The following SLC44A3 variants were observed in gnomAD, a reference collection of about 807,000 sequenced individuals.
SLC44A3 encodes choline transporter-like protein 3.
SLC44A3 carries 74 observed loss-of-function variants against 75.4 expected under a neutral mutation model. That is an observed-to-expected ratio of 0.98 (90% CI 0.81 to 1.19). The LOEUF is 1.19. Ranked by LOEUF, SLC44A3 falls within the 50% of genes most tolerant of loss-of-function variation. SLC44A3 has a pLI of 0.00. For synonymous variants in SLC44A3, 310 were observed against 296.9 expected, an observed-to-expected ratio of 1.04 and a Z score of -0.45; for missense variants, 700 against 778.6, an observed-to-expected ratio of 0.90 and a Z score of 1.20.
At position 94,857,331 on chromosome 1, in the gene SLC44A3, T is replaced by A; in HGVS notation, c.1073-4T>A. ...GTAAAGCATGTTTGTGTTTGAAACT[T>A]TAGGAGCTGCCCAGGTTATGGAAGG... On this transcript the variant is annotated splice_region_variant and splice_polypyrimidine_tract_variant and intron_variant, in intron 9 of 14. Coordinates refer to ENST00000271227, the MANE Select transcript of SLC44A3 (RefSeq NM_001114106.3). The A allele has an allele frequency of 4.4e-6, 7 of 1,596,930 alleles. No homozygotes were observed. The highest frequency in any genetic ancestry group is 6.0e-6 in the Non-Finnish European group (7 of 1,173,804).
chr1:94,877,849 A>G (rs1668461114), intron 12 of SLC44A3, among the ~76,000 whole-genome samples: 1 of 152,136 alleles, frequency 6.6e-6, no homozygotes, highest in Admixed American at 6.5e-5. Flanking sequence ...CTGAGGTTGA[A>G]TGACTTCATC....
intron 10 of SLC44A3, among the ~76,000 whole-genome samples, chr1:94,857,877 G>C (rs1397914746): frequency 7.1e-6 from 1 of 140,638 alleles, no homozygotes; most frequent in Non-Finnish European, 1.5e-5. Flanking sequence ...GCAGTGGCGC[G>C]ATCTTGGCTC....
intron 8 of SLC44A3, 121 bp from the exon 9 acceptor site, chr1:94,845,157 G>A: frequency 1.9e-6 from 2 of 1,030,394 alleles, no homozygotes; most frequent in East Asian, 2.5e-5. Context: ...TAACAAAGTA[G>A]TGAGTAACTA....
intron 2 of SLC44A3, among the ~76,000 whole-genome samples, chr1:94,821,402 C>G (rs1480269166): frequency 6.6e-6 from 1 of 152,196 alleles, no homozygotes; most frequent in Non-Finnish European, 1.5e-5. Context: ...AAATATTCCT[C>G]AAGCTTTTGG....
intron 12 of SLC44A3, among the ~76,000 whole-genome samples, chr1:94,869,646 G>A (rs1469150724): frequency 6.6e-6 from 1 of 151,482 alleles, no homozygotes; most frequent in Non-Finnish European, 1.5e-5. Context: ...TTGACTACTG[G>A]AAAGCAGAGT....
At chr1:94,841,877 C>T (rs1663693768) in intron 7 of SLC44A3, 123 bp from the exon 8 acceptor site, 3 of 1,333,716 alleles carry the variant, frequency 2.2e-6, no homozygotes, top group Admixed American at 2.7e-5. Flanking sequence ...ATTTGGGACC[C>T]ACTGCCAGAG....
At chr1:94,876,613 T>G (rs1668316954) in intron 12 of SLC44A3, among the ~76,000 whole-genome samples, 1 of 152,246 alleles carries the variant, frequency 6.6e-6, no homozygotes, top group African/African-American at 2.4e-5. Context: ...CATGCCACTT[T>G]GATTTAGCAG....
rs1661024957 is a variant in SLC44A3 at position 94,824,439 on chromosome 1, G to A, written c.136-54G>A. On this transcript the variant is annotated intron_variant, in intron 2 of 14. Coordinates refer to ENST00000271227, the MANE Select transcript of SLC44A3 (RefSeq NM_001114106.3). ...ATATCAGCATCTGCAGGGGTGTGGGGCACTGTGCGCTCAGCCCTTTGGCCA... is the reference window on the plus strand; with the variant it reads ...ATATCAGCATCTGCAGGGGTGTGGGACACTGTGCGCTCAGCCCTTTGGCCA... The A allele has an allele frequency of 1.0e-5, 16 of 1,529,682 alleles. No individual in the cohort carries two copies. The South Asian group carries it at 1.8e-4, about 17-fold the overall frequency. The allele number at this position is 1,529,682 out of a possible 1,614,324, so 94.8% of individuals were successfully genotyped here.
chr1:94,858,322 T>C (rs558985611), intron 10 of SLC44A3, among the ~76,000 whole-genome samples: 1 of 152,334 alleles, frequency 6.6e-6, no homozygotes, highest in South Asian at 2.1e-4. Context: ...AAATATAATT[T>C]ATATTATAGT....
chr1:94,840,074 T>C (rs781613262), intron 7 of SLC44A3, 37 bp downstream of exon 7: 1 of 1,550,978 alleles, frequency 6.4e-7, no homozygotes, highest in South Asian at 1.1e-5. Flanking sequence ...TCTTTTCGAT[T>C]AAATGAAAAG....
At chr1:94,839,825 T>G (rs1319235496) in intron 6 of SLC44A3, 123 bp from the exon 7 acceptor site, 4 of 737,472 alleles carry the variant, frequency 5.4e-6, no homozygotes, top group Non-Finnish European at 9.7e-6. Context: ...TCCCAAGATA[T>G]TTAGAGATTG....
rs1397577475 is a variant in SLC44A3, at chr1:94,841,989, C to T, written c.761-11C>T. On this transcript the variant is annotated splice_polypyrimidine_tract_variant and intron_variant, in intron 7 of 14. Transcript: ENST00000271227. Reference sequence around the variant, plus strand: ...GTGTGCCCTGAGCTCTGCTACTGTTCTCTTTTCTAGTTGTCTGCGGTGTTT... The same window carrying T: ...GTGTGCCCTGAGCTCTGCTACTGTTTTCTTTTCTAGTTGTCTGCGGTGTTT... 3.7e-6 allele frequency: 6 copies of T among 1,605,338 alleles called. No individual in the cohort carries two copies. The highest frequency in any genetic ancestry group is 5.1e-6 in the Non-Finnish European group (6 of 1,176,776).
At chr1:94,854,635 C>T (rs753414736) in intron 9 of SLC44A3, among the ~76,000 whole-genome samples, 4 of 152,236 alleles carry the variant, frequency 2.6e-5, no homozygotes, top group African/African-American at 4.8e-5. Context: ...ACCGCAGACT[C>T]CGAGCTAGAT....
At chr1:94,847,893 A>G (rs544598022) in intron 9 of SLC44A3, among the ~76,000 whole-genome samples, 173 of 152,210 alleles carry the variant, frequency 1.1e-3, no homozygotes, top group African/African-American at 3.9e-3. Flanking sequence ...CCACTACCTT[A>G]CACCTCCCTT....
At chr1:94,830,258 G>A (rs528639435) in intron 5 of SLC44A3, among the ~76,000 whole-genome samples, 1 of 152,224 alleles carries the variant, frequency 6.6e-6, no homozygotes, top group South Asian at 2.1e-4. Flanking sequence ...TGTCACCCAG[G>A]CTGGAGTGCA....
chr1:94,861,988 G>A (rs1666634164), intron 10 of SLC44A3, among the ~76,000 whole-genome samples: 2 of 152,182 alleles, frequency 1.3e-5, no homozygotes, highest in African/African-American at 2.4e-5. Context: ...TACAGATGGA[G>A]AAGAGGAAAT....
At chr1:94,880,877 G>A (rs74983229) in intron 12 of SLC44A3, among the ~76,000 whole-genome samples, 3,895 of 142,888 alleles carry the variant, frequency 0.027, 67 homozygotes, top group Middle Eastern at 0.046. Flanking sequence ...GATGGTAAAT[G>A]AATGTTCTAC....
rs1337724078 is a variant in SLC44A3, at chr1:94,837,798, C to T, written c.597C>T (p.Asp199=). The T allele has an allele frequency of 6.2e-7, 1 of 1,612,938 alleles. No individual in the cohort carries two copies. The highest frequency in any genetic ancestry group is 8.5e-7 in the Non-Finnish European group (1 of 1,179,686). The stretch of plus-strand genomic sequence containing the variant: ...CATCTGTTTTGATAAATGATGTTGA[C>T]ACCCTCCACCGAATTCTAAGTGGAA... ...LFASVLINDV[D]TLHRILSGIM... Residue 199 remains aspartate (D), a synonymous_variant, in exon 6 of 15, where the codon GAC becomes GAT. Coordinates refer to ENST00000271227, the MANE Select transcript of SLC44A3 (RefSeq NM_001114106.3).
chr1:94,856,043 A>G (rs1408491335), intron 9 of SLC44A3, among the ~76,000 whole-genome samples: 1 of 152,234 alleles, frequency 6.6e-6, no homozygotes, highest in African/African-American at 2.4e-5. Flanking sequence ...CAGTGGATTT[A>G]CCAGCAGAGC....
Sources: allele counts gnomAD v4.1 joint callset (sites outside exome capture counted in the v4.1 genomes callset), GRCh38; gene constraint gnomAD v4.1.1; transcripts MANE v1.5; gene names NCBI Gene and HGNC (gene_info 2026-07-23, HGNC 2026-07-21).